Variants in CABIN1 observed in about 807,000 individuals in gnomAD.
CABIN1 encodes the protein calcineurin binding protein 1.
CABIN1 carries 133 observed loss-of-function variants against 227.7 expected under a neutral mutation model. The observed-to-expected ratio is 0.58, with a 90% confidence interval of 0.51 to 0.67. The LOEUF (loss-of-function observed/expected upper bound fraction) is 0.67. Ranked by LOEUF, CABIN1 falls within the 30% of genes least tolerant of loss-of-function variation. The pLI, the probability that CABIN1 is intolerant of heterozygous loss-of-function variation, is 0.00. For missense variants in CABIN1, 2,408 were observed against 2,852.5 expected, an observed-to-expected ratio of 0.84 and a Z score of 3.55; for synonymous variants, 1,086 against 1,155.1, an observed-to-expected ratio of 0.94 and a Z score of 1.21.
At chr22:24,103,468 A>G (rs1439053102) in intron 26 of CABIN1, 2 of 152,238 alleles carry the variant, frequency 1.3e-5, no homozygotes, top group African/African-American at 4.8e-5. Flanking sequence ...GGGCCAGGCT[A>G]TGTAGGACGG....
At chr22:24,062,104 G>A in intron 13 of CABIN1, 79 bp downstream of exon 13, 1 of 1,206,918 alleles carries the variant, frequency 8.3e-7, no homozygotes, top group Non-Finnish European at 1.2e-6. Flanking sequence ...GCGGGAGACT[G>A]AGTCATGGAA....
chr22:24,088,007 A>C (rs1008889453), intron 23 of CABIN1, among the ~76,000 whole-genome samples: 13 of 152,214 alleles, frequency 8.5e-5, no homozygotes, highest in African/African-American at 3.1e-4. Flanking sequence ...GGTGTTGGCC[A>C]CCAGAAGTAG....
intron 19 of CABIN1, among the ~76,000 whole-genome samples, chr22:24,079,172 T>TAG (rs767731960): frequency 2.6e-4 from 40 of 152,308 alleles, no homozygotes; most frequent in Non-Finnish European, 4.3e-4. Flanking sequence ...GGTTAGTCGT[T>TAG]ATTATTCATA....
At chr22:24,054,497 G>A (rs2038624566) in intron 8 of CABIN1, among the ~76,000 whole-genome samples, 1 of 152,204 alleles carries the variant, frequency 6.6e-6, no homozygotes, top group Non-Finnish European at 1.5e-5. Context: ...GGCAGCAGGG[G>A]AGTTCCACAA....
intron 28 of CABIN1, among the ~76,000 whole-genome samples, chr22:24,123,826 C>A (rs987313750): frequency 6.6e-6 from 1 of 152,274 alleles, no homozygotes; most frequent in Middle Eastern, 3.2e-3. Flanking sequence ...AAAATCCTGC[C>A]TGTGGGCTTG....
intron 28 of CABIN1, among the ~76,000 whole-genome samples, chr22:24,123,717 G>T (rs2147995101): frequency 6.6e-6 from 1 of 152,308 alleles, no homozygotes; most frequent in East Asian, 1.9e-4. Context: ...TGACTAATGT[G>T]GAACCATTAA....
intron 28 of CABIN1, among the ~76,000 whole-genome samples, chr22:24,126,451 A>G (rs1219451971): frequency 6.6e-6 from 1 of 152,114 alleles, no homozygotes; most frequent in Non-Finnish European, 1.5e-5. Flanking sequence ...ATGCCTAGAG[A>G]CAGAAACAGT....
intron 26 of CABIN1, among the ~76,000 whole-genome samples, chr22:24,101,377 C>T (rs1030278393): frequency 6.6e-6 from 1 of 152,202 alleles, no homozygotes; most frequent in African/African-American, 2.4e-5. Flanking sequence ...CTGAACCACC[C>T]TCACCTGCAA....
rs2045769036 is a variant in CABIN1 at position 24,156,004 on chromosome 22, G to A, written c.4747-8396G>A. On this transcript the variant is annotated intron_variant, in intron 29 of 36. Coordinates refer to ENST00000263119, the MANE Select transcript of CABIN1 (RefSeq NM_012295.4). The stretch of plus-strand genomic sequence containing the variant: ...CCCGGCCCGCCGCGAGCGAGAGAGC[G>A]AACGAGCCTCCGCGGCCATGGCCCG... 2.6e-5 allele frequency: 15 copies of A among 572,546 alleles called. 1 individual carries two copies. In the South Asian group the frequency reaches 3.0e-4, roughly 11 times the overall value. The allele number at this position is 572,546 out of a possible 1,614,324, so 35.5% of individuals were successfully genotyped here. A position where few individuals can be genotyped will look rare whatever the true frequency, so the allele number is the denominator to read the frequency against.
intron 29 of CABIN1, among the ~76,000 whole-genome samples, chr22:24,157,270 C>T (rs924381812): frequency 2.6e-5 from 4 of 152,192 alleles, no homozygotes; most frequent in Admixed American, 6.5e-5. Flanking sequence ...AGGGGCCAGA[C>T]CCTCAGCTCC....
intron 8 of CABIN1, among the ~76,000 whole-genome samples, chr22:24,053,078 CTTTTTTT>C (rs71184943): frequency 1.6e-4 from 21 of 131,282 alleles, no homozygotes; most frequent in Non-Finnish European, 1.1e-4. Flanking sequence ...TTTCTTTTTT[CTTTTTTT>C]TTTTTTTTTT....
At chr22:24,103,095 A>C (rs2042307653) in intron 26 of CABIN1, 1 of 152,084 alleles carries the variant, frequency 6.6e-6, no homozygotes, top group Admixed American at 6.6e-5. Context: ...GCAGACCCGC[A>C]TGCTCAGCTC....
chr22:24,157,548 A>G (rs2148576482), intron 29 of CABIN1, among the ~76,000 whole-genome samples: 1 of 152,282 alleles, frequency 6.6e-6, no homozygotes, highest in Non-Finnish European at 1.5e-5. Context: ...CTCCCCCAGC[A>G]AGGTGTAAGT....
At chr22:24,082,217 G>A (rs1389009750) in intron 19 of CABIN1, among the ~76,000 whole-genome samples, 1 of 150,968 alleles carries the variant, frequency 6.6e-6, no homozygotes, top group Non-Finnish European at 1.5e-5. Context: ...AGCCTCCCAC[G>A]TAGCTGGGAC....
intron 29 of CABIN1, 76 bp downstream of exon 29, chr22:24,134,491 C>G: frequency 8.0e-7 from 1 of 1,254,716 alleles, no homozygotes; most frequent in South Asian, 1.3e-5. Context: ...GAATTGACCC[C>G]CTAGGTGGGT....
intron 26 of CABIN1, among the ~76,000 whole-genome samples, chr22:24,112,306 A>G (rs2042853947): frequency 6.6e-6 from 1 of 152,066 alleles, no homozygotes; most frequent in Admixed American, 6.5e-5. Context: ...CTAGTCAGAA[A>G]TTGAGCTGGC....
Position 24,091,910 on chromosome 22 carries a change from G to C in CABIN1, c.3786+67G>C, listed in dbSNP as rs2041568462. On this transcript the variant is annotated intron_variant, in intron 24 of 36. Coordinates refer to ENST00000263119, the MANE Select transcript of CABIN1 (RefSeq NM_012295.4). Reference sequence around the variant, plus strand: ...CAGGCTGGTTTCTTTATCTCCCTGGGCATGTGGCTCAAGGTTCCAGTGACC... The same window carrying C: ...CAGGCTGGTTTCTTTATCTCCCTGGCCATGTGGCTCAAGGTTCCAGTGACC... 2.5e-6 allele frequency: 4 copies of C among 1,588,122 alleles called. No homozygotes were observed. In the Admixed American group the frequency reaches 6.8e-5, roughly 27 times the overall value.
intron 1 of CABIN1, among the ~76,000 whole-genome samples, chr22:24,028,464 C>T (rs2036257034): frequency 6.6e-6 from 1 of 152,228 alleles, no homozygotes; most frequent in African/African-American, 2.4e-5. Context: ...CATTGAGGTA[C>T]TTCTGAAGCT....
chr22:24,131,719 T>G (rs2044083672), intron 28 of CABIN1, among the ~76,000 whole-genome samples: 2 of 151,546 alleles, frequency 1.3e-5, no homozygotes, highest in Non-Finnish European at 2.9e-5. Flanking sequence ...AAAAGGGAGG[T>G]CCCCTTTGCA....
Sources: allele counts gnomAD v4.1 joint callset (sites outside exome capture counted in the v4.1 genomes callset), GRCh38; gene constraint gnomAD v4.1.1; transcripts MANE v1.5; gene names NCBI Gene and HGNC (gene_info 2026-07-23, HGNC 2026-07-21).